KCNJ3: variants seen among roughly 807,000 people sequenced by gnomAD.
KCNJ3 encodes potassium inwardly rectifying channel subfamily J member 3.
A neutral mutation model predicts 39.2 loss-of-function variants in KCNJ3; 4 were observed. The observed-to-expected ratio is 0.10, with a 90% CI of 0.05 to 0.23. The LOEUF is 0.23. Among genes scored for constraint, KCNJ3 ranks in the 10% least tolerant of loss-of-function variants. KCNJ3 has a pLI of 1.00. For synonymous variants in KCNJ3, 230 were observed against 237.4 expected, an observed-to-expected ratio of 0.97 and a Z score of 0.29; for missense variants, 276 against 634.9, an observed-to-expected ratio of 0.43 and a Z score of 6.08.
intron 1 of KCNJ3, among the ~76,000 whole-genome samples, chr2:154,703,144 A>G (rs1684936054): frequency 3.4e-5 from 1 of 29,786 alleles, no homozygotes; most frequent in Non-Finnish European, 7.5e-5. Flanking sequence ...TTCTTTGATA[A>G]CTGTTCGAGA....
At chr2:154,785,532 T>G (rs1389297304) in intron 2 of KCNJ3, among the ~76,000 whole-genome samples, 3 of 152,150 alleles carry the variant, frequency 2.0e-5, no homozygotes, top group Admixed American at 6.6e-5. Flanking sequence ...AATGCTGTTA[T>G]GGAGAGAGTG....
At chr2:154,821,839 C>T (rs1687187742) in intron 2 of KCNJ3, among the ~76,000 whole-genome samples, 1 of 151,914 alleles carries the variant, frequency 6.6e-6, no homozygotes, top group South Asian at 2.1e-4. Context: ...CCAGGTTTCA[C>T]TATGTGGGCC....
At position 154,854,523 on chromosome 2, in the gene KCNJ3, T is replaced by G. The variant is rs60210747; in HGVS notation, c.920-204T>G. On this transcript the variant is annotated intron_variant, in intron 2 of 2. Transcript: ENST00000295101. ...TATCCTTCAAACATGAATAGTATCATCACCCTGTGTTTTTTGTTGAAAGAA... is the reference window on the plus strand; with the variant it reads ...TATCCTTCAAACATGAATAGTATCAGCACCCTGTGTTTTTTGTTGAAAGAA... Among the ~76,000 whole-genome samples the G allele has an allele frequency of 3.6e-3, 546 of 152,300 alleles. 4 individuals are homozygous for G. The highest frequency in any genetic ancestry group is 0.011 in the African/African-American group (473 of 41,568).
At chr2:154,730,740 C>T (rs1471637627) in intron 2 of KCNJ3, among the ~76,000 whole-genome samples, 1 of 151,982 alleles carries the variant, frequency 6.6e-6, no homozygotes, top group Non-Finnish European at 1.5e-5. Context: ...ATCATGCTCA[C>T]ATGAGAAGCT....
At chr2:154,837,687 A>G (rs1449759752) in intron 2 of KCNJ3, among the ~76,000 whole-genome samples, 1 of 152,138 alleles carries the variant, frequency 6.6e-6, no homozygotes, top group African/African-American at 2.4e-5. Flanking sequence ...AAGGAGATGG[A>G]TAAGGTATAT....
chr2:154,736,860 C>G (rs1323670455), intron 2 of KCNJ3, among the ~76,000 whole-genome samples: 2 of 127,232 alleles, frequency 1.6e-5, no homozygotes, highest in African/African-American at 2.7e-5. Context: ...CCCCGGCTTA[C>G]TGCTTATACT....
chr2:154,805,511 A>G (rs1320276656), intron 2 of KCNJ3, among the ~76,000 whole-genome samples: 2 of 152,198 alleles, frequency 1.3e-5, no homozygotes, highest in Non-Finnish European at 2.9e-5. Flanking sequence ...AAGTCAGCAC[A>G]TCATATGAAT....
rs77828968 is a variant in KCNJ3 at position 154,699,922 on chromosome 2, A to G, written c.702+445A>G. ...AGAAATAGGTGCTGAACTTGCCTCA[A>G]CTTTCACGATGGGCTTTTCTTATTT... On this transcript the variant is annotated intron_variant, in intron 1 of 2. Coordinates refer to ENST00000295101, the MANE Select transcript of KCNJ3 (RefSeq NM_002239.4). The surrounding 1 kb of genome is among the most constrained non-coding windows in gnomAD (Gnocchi z 6.4). 0.022 allele frequency among the ~76,000 whole-genome samples: 3,398 copies of G among 152,246 alleles called. 91 individuals carry two copies. Among genetic ancestry groups the G allele is most frequent in the East Asian group, 0.12 (606 of 5,152 alleles).
At chr2:154,854,433 G>T (rs187941676) in intron 2 of KCNJ3, among the ~76,000 whole-genome samples, 1 of 152,226 alleles carries the variant, frequency 6.6e-6, no homozygotes, top group African/African-American at 2.4e-5. Flanking sequence ...GGACATGTAT[G>T]TTCTGAGATT....
Position 154,746,650 on chromosome 2 carries a change from A to ATGTG in KCNJ3, c.919+36851_919+36854dup, listed in dbSNP as rs57739687. 8.0e-3 allele frequency among the ~76,000 whole-genome samples: 1,174 copies of ATGTG among 147,358 alleles called. 12 individuals are homozygous for ATGTG. Among genetic ancestry groups the ATGTG allele is most frequent in the African/African-American group, 0.026 (1,067 of 40,442 alleles). ...TATATATGTATATATGTGTATATAT[A>ATGTG]TGTGTGTGTGTGTGTGTGTGTGTTT... On this transcript the variant is annotated intron_variant, in intron 2 of 2. Transcript: ENST00000295101.
In KCNJ3 at chr2:154,699,937, T is replaced by C. The variant is rs1684858360; in HGVS notation, c.702+460T>C. 6.6e-6 allele frequency among the ~76,000 whole-genome samples: 1 copy of C among 152,174 alleles called. No individual in the cohort carries two copies. ...ACTTGCCTCAACTTTCACGATGGGC[T>C]TTTCTTATTTTTTTCTTTCCTTTTT... On this transcript the variant is annotated intron_variant, in intron 1 of 2. Transcript: ENST00000295101. This position sits in a 1 kb window ranked among gnomAD's most constrained non-coding sequence, Gnocchi z 6.4.
chr2:154,843,413 T>C (rs1052316993), intron 2 of KCNJ3, among the ~76,000 whole-genome samples: 7 of 152,138 alleles, frequency 4.6e-5, no homozygotes, highest in African/African-American at 1.4e-4. Flanking sequence ...CAATTATGTG[T>C]CTTGGGGTTG....
rs901345005 is a variant in KCNJ3 at position 154,791,127 on chromosome 2, C to T, written c.920-63600C>T. Among the ~76,000 whole-genome samples the T allele has an allele frequency of 3.9e-5, 6 of 151,976 alleles. No homozygotes were observed. The East Asian group carries it at 1.2e-3, about 29-fold the overall frequency. On this transcript the variant is annotated intron_variant, in intron 2 of 2. Coordinates refer to ENST00000295101, the MANE Select transcript of KCNJ3 (RefSeq NM_002239.4). Reference sequence around the variant, plus strand: ...CCCCACTGTTGGCCGGTGAGATTTGCTGGTCTTTCCTGATCTAGGGAAGTG... The same window carrying T: ...CCCCACTGTTGGCCGGTGAGATTTGTTGGTCTTTCCTGATCTAGGGAAGTG...
chr2:154,852,547 G>A (rs1343517418), intron 2 of KCNJ3, among the ~76,000 whole-genome samples: 1 of 151,946 alleles, frequency 6.6e-6, no homozygotes, highest in East Asian at 1.9e-4. Flanking sequence ...GAAAATATAA[G>A]GCACTTCCAC....
intron 2 of KCNJ3, among the ~76,000 whole-genome samples, chr2:154,784,592 A>G (rs538968312): frequency 6.6e-6 from 1 of 152,292 alleles, no homozygotes; most frequent in African/African-American, 2.4e-5. Flanking sequence ...CATGTTGGCC[A>G]GGCTGGTCTC....
chr2:154,817,755 C>T (rs1409555789), intron 2 of KCNJ3, among the ~76,000 whole-genome samples: 1 of 152,132 alleles, frequency 6.6e-6, no homozygotes, highest in Non-Finnish European at 1.5e-5. Context: ...TTAGGAAGTG[C>T]TTCCTAATAA....
At chr2:154,782,006 T>C (rs190103687) in intron 2 of KCNJ3, among the ~76,000 whole-genome samples, 61 of 152,342 alleles carry the variant, frequency 4.0e-4, no homozygotes, top group Non-Finnish European at 3.1e-4. Context: ...TTTGGACTTT[T>C]AAATCTGTTT....
intron 2 of KCNJ3, among the ~76,000 whole-genome samples, chr2:154,743,065 A>G (rs376595275): frequency 1.3e-5 from 2 of 151,806 alleles, no homozygotes; most frequent in Non-Finnish European, 3.0e-5. Flanking sequence ...ATAAAATTCA[A>G]CTTCATTCTT....
At chr2:154,748,779 G>A (rs571789473) in intron 2 of KCNJ3, among the ~76,000 whole-genome samples, 1 of 152,194 alleles carries the variant, frequency 6.6e-6, no homozygotes, top group East Asian at 1.9e-4. Context: ...TCAGTGAGAA[G>A]ACAGATCAAC....
Sources: allele counts gnomAD v4.1 joint callset (sites outside exome capture counted in the v4.1 genomes callset), GRCh38; gene constraint gnomAD v4.1.1; non-coding constraint Gnocchi (gnomAD v3.1); transcripts MANE v1.5; gene names NCBI Gene and HGNC (gene_info 2026-07-23, HGNC 2026-07-21).